Variants in GALNT13 observed in about 807,000 individuals in gnomAD.
The protein encoded by GALNT13 is polypeptide N-acetylgalactosaminyltransferase 13, also known as UDP-GalNAc:polypeptide N-acetylgalactosaminyltransferase 13.
GALNT13 carries 28 observed loss-of-function variants against 64.2 expected under a neutral mutation model. That is an observed-to-expected ratio of 0.44 (90% CI 0.32 to 0.60). The LOEUF is 0.60. GALNT13 is among the 20% of genes least tolerant of loss of function. GALNT13 has a pLI of 0.05. For missense variants in GALNT13, 577 were observed against 669.8 expected (o/e 0.86, Z 1.53); for synonymous variants, 214 against 224.6 (o/e 0.95, Z 0.42).
chr2:154,099,155 T>A (rs1344832923), intron 3 of GALNT13, among the ~76,000 whole-genome samples: 1 of 152,170 alleles, frequency 6.6e-6, no homozygotes, highest in Non-Finnish European at 1.5e-5. Flanking sequence ...TTAATTTGCA[T>A]TTGTCTAACA....
chr2:154,052,799 C>T (rs535401801), intron 3 of GALNT13, among the ~76,000 whole-genome samples: 2 of 149,660 alleles, frequency 1.3e-5, no homozygotes, highest in Non-Finnish European at 3.0e-5. Flanking sequence ...TGCAGTGGCA[C>T]GATCTTGGCT....
At chr2:154,004,014 C>T (rs527278439) in intron 3 of GALNT13, among the ~76,000 whole-genome samples, 2 of 152,066 alleles carry the variant, frequency 1.3e-5, no homozygotes, top group Non-Finnish European at 2.9e-5. Flanking sequence ...AATGAAAAAA[C>T]AGACTAATAC....
chr2:154,027,250 A>C (rs965902138), intron 3 of GALNT13, among the ~76,000 whole-genome samples: 3 of 152,128 alleles, frequency 2.0e-5, no homozygotes, highest in African/African-American at 7.2e-5. Flanking sequence ...CTTTTTAGCT[A>C]TTCCATCTGC....
At chr2:153,287,802 G>A in the GALNT13 span, among the ~76,000 whole-genome samples, 2 of 152,272 alleles carry the variant, frequency 1.3e-5, no homozygotes, top group African/African-American at 2.4e-5. Context: ...CAGGATGGGG[G>A]CATGGCAGGC....
the GALNT13 span, among the ~76,000 whole-genome samples, chr2:153,576,678 G>A: frequency 2.3e-4 from 35 of 152,278 alleles, no homozygotes; most frequent in African/African-American, 7.9e-4. Context: ...TCTTTTCAGT[G>A]CCTCTTTCAG....
intron 9 of GALNT13, among the ~76,000 whole-genome samples, chr2:154,353,834 C>T (rs2105263354): frequency 6.6e-6 from 1 of 152,168 alleles, no homozygotes; most frequent in African/African-American, 2.4e-5. Context: ...TGGTCGTTTC[C>T]ATATCTTGGC....
At chr2:153,539,780 G>A in the GALNT13 span, among the ~76,000 whole-genome samples, 1 of 151,970 alleles carries the variant, frequency 6.6e-6, no homozygotes, top group East Asian at 1.9e-4. Context: ...GTACCATGCT[G>A]TTTTGGTTAC....
chr2:154,043,865 G>A (rs577064352), intron 3 of GALNT13, among the ~76,000 whole-genome samples: 7 of 152,114 alleles, frequency 4.6e-5, no homozygotes, highest in African/African-American at 1.4e-4. Context: ...CACATTAAGA[G>A]GCCCAGGTTG....
chr2:154,331,208 G>A (rs995294872), intron 9 of GALNT13, among the ~76,000 whole-genome samples: 4 of 151,966 alleles, frequency 2.6e-5, no homozygotes, highest in African/African-American at 9.7e-5. Flanking sequence ...TAGAGAAGGG[G>A]GAAATATGTG....
At chr2:154,420,604 T>A (rs1236889823) in intron 11 of GALNT13, among the ~76,000 whole-genome samples, 3 of 152,092 alleles carry the variant, frequency 2.0e-5, no homozygotes, top group African/African-American at 7.2e-5. Context: ...AATGCATGAG[T>A]CTACTATATG....
chr2:153,202,185 C>A, the GALNT13 span, among the ~76,000 whole-genome samples: 2 of 151,916 alleles, frequency 1.3e-5, no homozygotes, highest in South Asian at 4.2e-4. Context: ...GGGGTTTCAC[C>A]TTGTTAGCCA....
At chr2:153,239,982 G>A in the GALNT13 span, among the ~76,000 whole-genome samples, 2 of 152,104 alleles carry the variant, frequency 1.3e-5, no homozygotes, top group Non-Finnish European at 2.9e-5. Context: ...TTGTGTTACA[G>A]CGCCAATCTC....
Position 154,242,195 on chromosome 2 carries a change from A to C in GALNT13, c.477A>C (p.Arg159Ser), listed in dbSNP as rs1309773768. 4 of 1,604,418 alleles carry C rather than the reference A, an allele frequency of 2.5e-6. No individual in the cohort carries two copies. In the African/African-American group the frequency reaches 5.4e-5, roughly 22 times the overall value. ...EVILVDDASE[R>S]DFLKLTLENY... ...TCTTGGTAGATGATGCCAGTGAAAG[A>C]GGTACAAACTGGTTTTTTGTTTTTG... The change falls in exon 5 of 13, where the codon AGA (arginine) becomes AGC (serine). Residue 159 changes from arginine (R) to serine (S), a missense_variant and splice_region_variant. By Grantham distance (110) the Arg-to-Ser change is moderately radical. Transcript: ENST00000392825.
intron 2 of GALNT13, among the ~76,000 whole-genome samples, chr2:153,911,361 C>T (rs1688926369): frequency 6.6e-6 from 1 of 152,082 alleles, no homozygotes; most frequent in Admixed American, 6.6e-5. Context: ...CTTCTTTATT[C>T]ACCTTGCCAC....
the GALNT13 span, among the ~76,000 whole-genome samples, chr2:153,281,556 G>A: frequency 6.6e-6 from 1 of 152,008 alleles, no homozygotes; most frequent in African/African-American, 2.4e-5. Flanking sequence ...CTCTTAAGCT[G>A]GTAAGAGAAT....
chr2:153,861,892 G>A, the GALNT13 span, among the ~76,000 whole-genome samples: 1 of 152,098 alleles, frequency 6.6e-6, no homozygotes, highest in African/African-American at 2.4e-5. Context: ...TTTCTTTAAT[G>A]GATGCCTAGA....
In GALNT13 at chr2:154,016,371, A is replaced by G. The variant is rs143311277; in HGVS notation, c.142+71732A>G. Among the ~76,000 whole-genome samples, 384 of 152,320 alleles carry G rather than the reference A, an allele frequency of 2.5e-3. 2 individuals carry two copies. Among genetic ancestry groups the G allele is most frequent in the African/African-American group, 8.7e-3 (360 of 41,574 alleles). On this transcript the variant is annotated intron_variant, in intron 3 of 12. Transcript: ENST00000392825. ...AAGTCTTGATGGTTGTCTCCTGAGT[A>G]GCCTCTAATCTCTATTCAGAAGATT...
chr2:153,673,914 C>A, the GALNT13 span, among the ~76,000 whole-genome samples: 1 of 152,050 alleles, frequency 6.6e-6, no homozygotes, highest in Admixed American at 6.6e-5. Flanking sequence ...CAGTAACAGA[C>A]AAACAGAGCC....
the GALNT13 span, among the ~76,000 whole-genome samples, chr2:153,542,920 A>G: frequency 6.6e-6 from 1 of 152,296 alleles, no homozygotes; most frequent in East Asian, 1.9e-4. Flanking sequence ...TAAAATTTTG[A>G]GCATGTAACC....
Sources: gnomAD v4.1 joint callset for allele counts (sites outside exome capture counted in the v4.1 genomes callset) on GRCh38, gnomAD v4.1.1 for gene constraint, MANE v1.5 for transcripts, NCBI Gene and HGNC (gene_info 2026-07-23, HGNC 2026-07-21) for gene names.